Variants in ITGA9 observed in about 807,000 individuals in gnomAD.
ITGA9 encodes integrin alpha-9.
In ITGA9, 56 loss-of-function variants were observed where a neutral mutation model predicts 127.8. The ratio of observed to expected loss-of-function variants is 0.44; its 90% CI spans 0.35 to 0.55. The LOEUF is 0.55. ITGA9 is among the 20% of genes least tolerant of loss of function. ITGA9 has a pLI of 0.00. For missense variants in ITGA9, 1,196 were observed against 1,347.1 expected (o/e 0.89, Z 1.76); for synonymous variants, 508 against 514.5 (o/e 0.99, Z 0.17).
intron 18 of ITGA9, among the ~76,000 whole-genome samples, chr3:37,696,800 G>C (rs1700889444): frequency 6.6e-6 from 1 of 152,078 alleles, no homozygotes. Flanking sequence ...TGGTCTTTTT[G>C]TGTTATTTGG....
chr3:37,505,137 G>A (rs1024961023), intron 6 of ITGA9, among the ~76,000 whole-genome samples: 2 of 151,868 alleles, frequency 1.3e-5, no homozygotes, highest in Non-Finnish European at 2.9e-5. Flanking sequence ...TTGCCTTCTT[G>A]TAGGAGGGAG....
At chr3:37,637,996 G>A (rs1378901336) in intron 16 of ITGA9, among the ~76,000 whole-genome samples, 1 of 152,168 alleles carries the variant, frequency 6.6e-6, no homozygotes, top group Non-Finnish European at 1.5e-5. Context: ...TTAACAAGAT[G>A]GCTGGGTGAT....
At chr3:37,572,254 G>A (rs187056870) in intron 15 of ITGA9, among the ~76,000 whole-genome samples, 180 of 152,172 alleles carry the variant, frequency 1.2e-3, no homozygotes, top group African/African-American at 4.0e-3. Context: ...TTCTTCGAGG[G>A]AGCTTGAGTG....
chr3:37,746,248 A>G (rs187143282), intron 22 of ITGA9, among the ~76,000 whole-genome samples: 3 of 152,358 alleles, frequency 2.0e-5, no homozygotes, highest in Admixed American at 1.3e-4. Context: ...AGATTTTTCT[A>G]TGCTTTTAAA....
intron 6 of ITGA9, 81 bp downstream of exon 6, chr3:37,503,388 T>A (rs777321791): frequency 2.5e-5 from 39 of 1,530,398 alleles, no homozygotes; most frequent in Non-Finnish European, 3.3e-5. Context: ...TGCTTCATTG[T>A]TGGAAAGAGG....
chr3:37,524,342 A>G (rs182013878), intron 12 of ITGA9, among the ~76,000 whole-genome samples: 13 of 152,362 alleles, frequency 8.5e-5, no homozygotes, highest in Admixed American at 2.0e-4. Context: ...TCTAAATTTT[A>G]TAGTCATCTT....
intron 2 of ITGA9, 37 bp from the exon 3 acceptor site, chr3:37,473,317 C>T (rs1698456660): frequency 6.4e-7 from 1 of 1,556,500 alleles, no homozygotes; most frequent in African/African-American, 1.4e-5. Flanking sequence ...GAACATCACT[C>T]CTCAACCCAA....
intron 16 of ITGA9, among the ~76,000 whole-genome samples, chr3:37,652,078 G>A (rs1417296923): frequency 6.6e-6 from 1 of 152,118 alleles, no homozygotes; most frequent in East Asian, 1.9e-4. Flanking sequence ...GGCCAGTCCA[G>A]GTTTTGTGAG....
intron 7 of ITGA9, 41 bp from the exon 8 acceptor site, chr3:37,508,518 T>G: frequency 6.5e-7 from 1 of 1,531,524 alleles, no homozygotes; most frequent in Non-Finnish European, 9.0e-7. Context: ...CTTTGATCAT[T>G]GATTTCATCC....
At chr3:37,748,124 A>C (rs890825023) in intron 22 of ITGA9, 4 of 486,186 alleles carry the variant, frequency 8.2e-6, no homozygotes, top group Non-Finnish European at 1.6e-5. Flanking sequence ...TCGAACACAA[A>C]GGGAAAGAGG....
At chr3:37,512,852 C>T (rs531487293) in intron 8 of ITGA9, among the ~76,000 whole-genome samples, 8 of 152,298 alleles carry the variant, frequency 5.3e-5, no homozygotes, top group African/African-American at 1.9e-4. Context: ...ACAAGTGTCA[C>T]TTGCCACATT....
At chr3:37,541,299 A>G (rs1345543450) in intron 14 of ITGA9, among the ~76,000 whole-genome samples, 1 of 152,224 alleles carries the variant, frequency 6.6e-6, no homozygotes, top group Non-Finnish European at 1.5e-5. Context: ...TTCCAGGGAC[A>G]GAGATTCCTG....
At chr3:37,640,897 G>A (rs78019582) in intron 16 of ITGA9, among the ~76,000 whole-genome samples, 1,980 of 152,254 alleles carry the variant, frequency 0.013, 45 homozygotes, top group African/African-American at 0.044. Flanking sequence ...TGAGAAGCCC[G>A]GAAATGATGA....
At chr3:37,700,808 C>G (rs377499905) in intron 18 of ITGA9, among the ~76,000 whole-genome samples, 6 of 152,156 alleles carry the variant, frequency 3.9e-5, no homozygotes, top group South Asian at 4.1e-4. Context: ...TATGAGCACT[C>G]TTTCAATTAT....
chr3:37,781,231 A>G (rs1361021044), intron 25 of ITGA9, among the ~76,000 whole-genome samples: 4 of 152,238 alleles, frequency 2.6e-5, no homozygotes, highest in Admixed American at 6.5e-5. Context: ...CCTGCAGTCT[A>G]GGGACCTCGC....
chr3:37,457,301 G>A (rs1410259221), intron 1 of ITGA9, among the ~76,000 whole-genome samples: 1 of 152,194 alleles, frequency 6.6e-6, no homozygotes, highest in Non-Finnish European at 1.5e-5. Context: ...CTAGTTGTGT[G>A]TCTCAAATGA....
intron 15 of ITGA9, among the ~76,000 whole-genome samples, chr3:37,586,358 T>C (rs1351912101): frequency 6.6e-6 from 1 of 152,182 alleles, no homozygotes; most frequent in African/African-American, 2.4e-5. Context: ...AAGAGGTGTT[T>C]CTAGAAAGCT....
At chr3:37,461,068 C>G (rs1698311618) in intron 1 of ITGA9, among the ~76,000 whole-genome samples, 1 of 152,068 alleles carries the variant, frequency 6.6e-6, no homozygotes, top group Admixed American at 6.6e-5. Context: ...GCAGTACACA[C>G]CAGTAGGCAG....
rs575847402 is a variant in ITGA9 at position 37,472,646 on chromosome 3, T to C, written c.314-708T>C. ...TCTGGCCTCAAGTGAACCGCCCACC[T>C]CAGCCTCCCAAAGTGCTGGGATTAC... On this transcript the variant is annotated intron_variant, in intron 2 of 27. Coordinates refer to ENST00000264741, the MANE Select transcript of ITGA9 (RefSeq NM_002207.3). Among the ~76,000 whole-genome samples the C allele has an allele frequency of 3.7e-3, 556 of 151,948 alleles. 2 individuals carry two copies. Among genetic ancestry groups the C allele is most frequent in the Non-Finnish European group, 6.3e-3 (430 of 67,960 alleles).
Sources: gnomAD v4.1 joint callset for allele counts (sites outside exome capture counted in the v4.1 genomes callset) on GRCh38, gnomAD v4.1.1 for gene constraint, MANE v1.5 for transcripts, NCBI Gene and HGNC (gene_info 2026-07-23, HGNC 2026-07-21) for gene names.